Variants in LINC00305 observed in about 807,000 individuals in gnomAD.
The protein encoded by LINC00305 is long intergenic non-protein coding RNA 305.
At chr18:64,133,025 T>C (rs2051416916) in intron 1 of LINC00305, among the ~76,000 whole-genome samples, 1 of 152,190 alleles carries the variant, frequency 6.6e-6, no homozygotes, top group Non-Finnish European at 1.5e-5. Flanking sequence ...TCAGACACGA[T>C]ATGGCAGAAG....
chr18:64,097,976 G>T (rs1470122092), exon 3 of LINC00305: 1 of 457,792 alleles, frequency 2.2e-6, no homozygotes, highest in Non-Finnish European at 4.4e-6. Context: ...TTTCATCTTT[G>T]CAGGTCGCAG....
At chr18:64,129,378 G>A (rs961671865) in intron 1 of LINC00305, among the ~76,000 whole-genome samples, 3 of 151,930 alleles carry the variant, frequency 2.0e-5, no homozygotes, top group African/African-American at 7.3e-5. Context: ...AAAATTGGGG[G>A]TATGGGGATA....
intron 2 of LINC00305, chr18:64,098,149 G>A: frequency 2.8e-6 from 1 of 352,072 alleles, no homozygotes; most frequent in Non-Finnish European, 5.6e-6. Flanking sequence ...TATAAAAGTT[G>A]AAACTATCCA....
rs375179974 is a variant in LINC00305, at chr18:64,126,193, G to A, written n.314+22582C>T. Among the ~76,000 whole-genome samples, 10 of 151,892 alleles carry A rather than the reference G, an allele frequency of 6.6e-5. No individual in the cohort carries two copies. In the East Asian group the frequency reaches 1.4e-3, roughly 21 times the overall value. On this transcript the variant is annotated intron_variant and non_coding_transcript_variant, in intron 1 of 3. Transcript: ENST00000666468. The stretch of plus-strand genomic sequence containing the variant: ...GCTTCTCATATGGCCTCTCCTTCTT[G>A]AATCTTCCCTCTGTTCCAATTATCA...
chr18:64,099,344 G>A (rs2144238558), intron 1 of LINC00305, among the ~76,000 whole-genome samples: 1 of 152,224 alleles, frequency 6.6e-6, no homozygotes, highest in East Asian at 1.9e-4. Context: ...GGTGATGGGT[G>A]AAAAGATGAA....
intron 1 of LINC00305, among the ~76,000 whole-genome samples, chr18:64,124,196 A>G (rs1275124438): frequency 6.6e-6 from 1 of 152,186 alleles, no homozygotes; most frequent in Non-Finnish European, 1.5e-5. Flanking sequence ...GTACTTCTCC[A>G]GGAATGACAG....
chr18:64,087,278 GATT>G (rs1345526116), intron 3 of LINC00305, among the ~76,000 whole-genome samples: 1 of 152,044 alleles, frequency 6.6e-6, no homozygotes, highest in African/African-American at 2.4e-5. Context: ...GGGTTTGATA[GATT>G]ATTATGCATC....
At chr18:64,147,863 G>A (rs887458488) in intron 1 of LINC00305, among the ~76,000 whole-genome samples, 3 of 152,106 alleles carry the variant, frequency 2.0e-5, no homozygotes, top group Non-Finnish European at 4.4e-5. Flanking sequence ...AATTCAGCCT[G>A]CATCTTGCCC....
At chr18:64,103,972 G>A (rs1202720323) in intron 1 of LINC00305, 3 of 152,202 alleles carry the variant, frequency 2.0e-5, no homozygotes, top group African/African-American at 7.2e-5. Flanking sequence ...ATTTAAAAAT[G>A]TATTTCTTAT....
chr18:64,113,213 C>A (rs2051322856), intron 1 of LINC00305, among the ~76,000 whole-genome samples: 1 of 152,230 alleles, frequency 6.6e-6, no homozygotes, highest in Admixed American at 6.5e-5. Flanking sequence ...AACTACATTT[C>A]ACTCTGCCAC....
intron 1 of LINC00305, among the ~76,000 whole-genome samples, chr18:64,112,878 A>G (rs1174381621): frequency 6.6e-6 from 1 of 152,212 alleles, no homozygotes; most frequent in African/African-American, 2.4e-5. Flanking sequence ...TTAAGAAAAC[A>G]GTAGTTCTCC....
intron 1 of LINC00305, among the ~76,000 whole-genome samples, chr18:64,113,850 T>C (rs1201595521): frequency 1.3e-5 from 2 of 152,238 alleles, no homozygotes; most frequent in East Asian, 1.9e-4. Flanking sequence ...GCTGACTCTG[T>C]AGACTTTCTA....
intron 3 of LINC00305, among the ~76,000 whole-genome samples, chr18:64,090,485 T>C (rs2051220746): frequency 6.6e-6 from 1 of 152,232 alleles, no homozygotes; most frequent in South Asian, 2.1e-4. Flanking sequence ...TGGTGATTTT[T>C]ATGATCAGGC....
chr18:64,134,903 C>G (rs1017494872), intron 1 of LINC00305, among the ~76,000 whole-genome samples: 1 of 152,158 alleles, frequency 6.6e-6, no homozygotes, highest in African/African-American at 2.4e-5. Context: ...GGCCTGTTTC[C>G]TTACTTGTCA....
At chr18:64,135,914 C>A (rs965525962) in intron 1 of LINC00305, among the ~76,000 whole-genome samples, 9 of 148,046 alleles carry the variant, frequency 6.1e-5, no homozygotes, top group African/African-American at 2.2e-4. Flanking sequence ...TCCCACGTAA[C>A]AAAAGACTGC....
chr18:64,113,632 G>C (rs1028286941), intron 1 of LINC00305, among the ~76,000 whole-genome samples: 2 of 152,106 alleles, frequency 1.3e-5, no homozygotes, highest in Non-Finnish European at 2.9e-5. Flanking sequence ...AGGGAAAGGC[G>C]TAAGTGCTGT....
chr18:64,125,841 G>A (rs897914536), intron 1 of LINC00305, among the ~76,000 whole-genome samples: 2 of 152,126 alleles, frequency 1.3e-5, no homozygotes, highest in African/African-American at 4.8e-5. Flanking sequence ...ATCAGGGGGA[G>A]TGGGTTTGTT....
chr18:64,143,759 A>ACATATTATGCGTACACGTATGTC (rs1568120327), intron 1 of LINC00305, among the ~76,000 whole-genome samples: 2 of 52,664 alleles, frequency 3.8e-5, no homozygotes, highest in African/African-American at 1.5e-4. Flanking sequence ...ACATGTATGT[A>ACATATTATGCGTACACGTATGTC]CACATATTAT....
At chr18:64,097,863 C>T (rs905440223) in exon 3 of LINC00305, 2 of 457,876 alleles carry the variant, frequency 4.4e-6, no homozygotes, top group Non-Finnish European at 8.8e-6. Flanking sequence ...CATGTAGAAT[C>T]TCACTCTAAC....
Sources: gnomAD v4.1 joint callset for allele counts (sites outside exome capture counted in the v4.1 genomes callset) on GRCh38, gnomAD v4.1.1 for gene constraint, MANE v1.5 for transcripts, NCBI Gene and HGNC (gene_info 2026-07-23, HGNC 2026-07-21) for gene names.